The following ZWILCH variants were observed in gnomAD, a reference collection of about 807,000 sequenced individuals.
ZWILCH encodes the protein zwilch kinetochore protein.
In ZWILCH, 74 loss-of-function variants were observed where a neutral mutation model predicts 79.9. That is an observed-to-expected ratio of 0.93 (90% CI 0.77 to 1.12). The LOEUF (loss-of-function observed/expected upper bound fraction) is 1.12. Ranked by LOEUF, ZWILCH falls within the 50% of genes most tolerant of loss-of-function variation. The probability of loss-of-function intolerance (pLI) is 0.00; values close to 1 mark genes in which losing one functional copy is unlikely to be tolerated. For synonymous variants in ZWILCH, 241 were observed against 228.2 expected (o/e 1.06, Z -0.51); for missense variants, 694 against 687.5 (o/e 1.01, Z -0.11).
intron 2 of ZWILCH, 160 bp from the exon 3 acceptor site, chr15:66,513,828 C>T (rs1432419975): frequency 5.1e-6 from 2 of 391,676 alleles, no homozygotes. Flanking sequence ...GCCTGGGCCT[C>T]CCGAAGTGCT....
At chr15:66,523,069 C>T (rs1894555894) in intron 7 of ZWILCH, among the ~76,000 whole-genome samples, 1 of 152,214 alleles carries the variant, frequency 6.6e-6, no homozygotes, top group Non-Finnish European at 1.5e-5. Flanking sequence ...CTGATTCACT[C>T]ACCTCGGCCT....
At position 66,512,013 on chromosome 15, in the gene ZWILCH, A is replaced by G. The variant is rs925600096; in HGVS notation, c.106-1975A>G. Among the ~76,000 whole-genome samples, 10 of 152,318 alleles carry G rather than the reference A, an allele frequency of 6.6e-5. No individual in the cohort carries two copies. The South Asian group carries it at 1.9e-3, about 28-fold the overall frequency. On this transcript the variant is annotated intron_variant, in intron 2 of 18. Transcript: ENST00000307897. ...TAATAGTATCAGTGTGATTTTAGGT[A>G]TTAATCTTAAGAAAATAATTCAAAA...
chr15:66,523,586 T>C, intron 7 of ZWILCH, 91 bp from the exon 8 acceptor site: 1 of 765,708 alleles, frequency 1.3e-6, no homozygotes, highest in Non-Finnish European at 2.2e-6. Context: ...TTTTTTAATG[T>C]GTGAAAGATA....
chr15:66,532,143 G>A (rs1390161599), intron 12 of ZWILCH, 104 bp from the exon 13 acceptor site: 3 of 852,778 alleles, frequency 3.5e-6, no homozygotes, highest in Middle Eastern at 3.7e-4. Context: ...AGGAATGCAA[G>A]CTTATAATTT....
At chr15:66,525,605 A>G (rs981567637) in intron 8 of ZWILCH, among the ~76,000 whole-genome samples, 4 of 152,064 alleles carry the variant, frequency 2.6e-5, no homozygotes, top group Admixed American at 2.6e-4. Flanking sequence ...CAGGGGCACT[A>G]TTGGCATTTG....
At chr15:66,542,286 T>TA (rs979437203) in intron 17 of ZWILCH, among the ~76,000 whole-genome samples, 21 of 149,644 alleles carry the variant, frequency 1.4e-4, no homozygotes, top group East Asian at 3.9e-4. Context: ...CCATCTCTAC[T>TA]AAAAAAATAC....
intron 12 of ZWILCH, 105 bp from the exon 13 acceptor site, chr15:66,532,142 A>G: frequency 1.2e-6 from 1 of 841,386 alleles, no homozygotes; most frequent in Non-Finnish European, 1.8e-6. Flanking sequence ...TAGGAATGCA[A>G]GCTTATAATT....
At chr15:66,510,624 G>A (rs1211848346) in intron 2 of ZWILCH, among the ~76,000 whole-genome samples, 3 of 152,088 alleles carry the variant, frequency 2.0e-5, no homozygotes, top group African/African-American at 7.2e-5. Context: ...GCAAAATACT[G>A]CAAATTAGGC....
chr15:66,515,710 G>A (rs368539592), intron 4 of ZWILCH, 66 bp downstream of exon 4: 8 of 1,187,068 alleles, frequency 6.7e-6, no homozygotes, highest in African/African-American at 4.6e-5. Context: ...TCTTATAAAC[G>A]TTGGGAAAAA....
At chr15:66,535,102 C>T (rs1446497163) in intron 14 of ZWILCH, among the ~76,000 whole-genome samples, 4 of 151,634 alleles carry the variant, frequency 2.6e-5, no homozygotes, top group Non-Finnish European at 4.4e-5. Context: ...CACACACATT[C>T]GCCTAGGTTG....
chr15:66,523,606 G>C (rs996773026), intron 7 of ZWILCH, 71 bp from the exon 8 acceptor site: 3 of 926,274 alleles, frequency 3.2e-6, no homozygotes, highest in Non-Finnish European at 3.4e-6. Flanking sequence ...AGTTTGAAAT[G>C]CAAGTATAAC....
intron 17 of ZWILCH, among the ~76,000 whole-genome samples, chr15:66,546,351 T>C (rs1357724770): frequency 1.3e-5 from 2 of 152,216 alleles, no homozygotes; most frequent in East Asian, 1.9e-4. Context: ...TAAAAAGATA[T>C]AATTAAAAAA....
At chr15:66,527,053 T>C (rs575252926) in intron 8 of ZWILCH, among the ~76,000 whole-genome samples, 4 of 152,288 alleles carry the variant, frequency 2.6e-5, no homozygotes, top group Non-Finnish European at 4.4e-5. Flanking sequence ...TGTGTGACCA[T>C]GAGCAAGTTA....
intron 12 of ZWILCH, among the ~76,000 whole-genome samples, chr15:66,530,033 A>G (rs2140785677): frequency 6.6e-6 from 1 of 152,360 alleles, no homozygotes; most frequent in East Asian, 1.9e-4. Flanking sequence ...GCTCATACAC[A>G]TAAATATGTA....
chr15:66,545,875 T>C (rs1895355647), intron 17 of ZWILCH, among the ~76,000 whole-genome samples: 1 of 152,252 alleles, frequency 6.6e-6, no homozygotes, highest in African/African-American at 2.4e-5. Flanking sequence ...TTCTTTGGAC[T>C]GAGCACTTAA....
At chr15:66,520,175 C>T (rs1894441299) in intron 5 of ZWILCH, among the ~76,000 whole-genome samples, 1 of 152,032 alleles carries the variant, frequency 6.6e-6, no homozygotes, top group South Asian at 2.1e-4. Flanking sequence ...GGCTGGAGTG[C>T]AGTGGCGCAA....
intron 9 of ZWILCH, among the ~76,000 whole-genome samples, 189 bp downstream of exon 9, chr15:66,527,572 T>G (rs568467837): frequency 1.1e-4 from 17 of 152,290 alleles, no homozygotes; most frequent in African/African-American, 3.8e-4. Flanking sequence ...ATTAATAAGA[T>G]TTAATTTATA....
chr15:66,529,050 G>T, intron 11 of ZWILCH, 93 bp downstream of exon 11: 1 of 968,266 alleles, frequency 1.0e-6, no homozygotes, highest in African/African-American at 1.6e-5. Context: ...CACTAGTTTT[G>T]TGGGGAAGTC....
intron 4 of ZWILCH, among the ~76,000 whole-genome samples, chr15:66,517,763 C>A (rs1335517947): frequency 1.0e-5 from 1 of 99,868 alleles, no homozygotes; most frequent in Non-Finnish European, 1.8e-5. Flanking sequence ...GAGACAGAGT[C>A]ACTCTGTCGC....
Sources: allele counts gnomAD v4.1 joint callset (sites outside exome capture counted in the v4.1 genomes callset), GRCh38; gene constraint gnomAD v4.1.1; transcripts MANE v1.5; gene names NCBI Gene and HGNC (gene_info 2026-07-23, HGNC 2026-07-21).